The following BMP2K variants were observed in gnomAD, a reference collection of about 807,000 sequenced individuals.
BMP2K encodes the protein BMP2 inducible kinase.
In BMP2K, 74 loss-of-function variants were observed where a neutral mutation model predicts 116.0. That is an observed-to-expected ratio of 0.64 (90% CI 0.53 to 0.77). The LOEUF (loss-of-function observed/expected upper bound fraction) is 0.77, where lower values mean the gene tolerates loss of function less well. BMP2K is among the 30% of genes least tolerant of loss of function. The probability of loss-of-function intolerance (pLI) is 0.00; values close to 1 mark genes in which losing one functional copy is unlikely to be tolerated. For missense variants in BMP2K, 1,365 were observed against 1,403.6 expected (o/e 0.97, Z 0.44); for synonymous variants, 486 against 502.5 (o/e 0.97, Z 0.44).
chr4:78,829,402 G>GTTTTTTTTTTTTTTTTT, intron 2 of BMP2K, among the ~76,000 whole-genome samples: 1 of 133,858 alleles, frequency 7.5e-6, no homozygotes, highest in South Asian at 2.4e-4. Context: ...ATAGTTTTTT[G>GTTTTTTTTTTTTTTTTT]TTTTTTTTTT....
chr4:78,801,734 A>G (rs1186501548), intron 1 of BMP2K, among the ~76,000 whole-genome samples: 1 of 152,204 alleles, frequency 6.6e-6, no homozygotes, highest in Admixed American at 6.5e-5. Flanking sequence ...GACTAAAGTT[A>G]TAACTCTGTG....
intron 3 of BMP2K, among the ~76,000 whole-genome samples, chr4:78,836,814 A>C (rs1222976199): frequency 2.6e-5 from 4 of 152,182 alleles, no homozygotes; most frequent in Non-Finnish European, 4.4e-5. Flanking sequence ...ACATCATTCC[A>C]CTTTTTTCTT....
chr4:78,898,325 TTGTC>T (rs941687088), intron 15 of BMP2K, among the ~76,000 whole-genome samples: 1 of 152,024 alleles, frequency 6.6e-6, no homozygotes, highest in Non-Finnish European at 1.5e-5. Context: ...CATTTACAGA[TTGTC>T]AGTCCACTGC....
At chr4:78,876,530 G>A (rs1732641428) in intron 13 of BMP2K, among the ~76,000 whole-genome samples, 1 of 152,176 alleles carries the variant, frequency 6.6e-6, no homozygotes, top group Non-Finnish European at 1.5e-5. Flanking sequence ...TGCTGAAGGG[G>A]CTTGGACTAA....
At chr4:78,848,836 G>A (rs2110030565) in intron 6 of BMP2K, among the ~76,000 whole-genome samples, 1 of 151,368 alleles carries the variant, frequency 6.6e-6, no homozygotes, top group Non-Finnish European at 1.5e-5. Flanking sequence ...TTAGAGAACA[G>A]TGTATTTATA....
At chr4:78,893,519 G>A (rs1023431310) in intron 15 of BMP2K, among the ~76,000 whole-genome samples, 2 of 152,200 alleles carry the variant, frequency 1.3e-5, no homozygotes, top group Admixed American at 6.5e-5. Flanking sequence ...ATTCATGAGA[G>A]AATTCACTAT....
Position 78,793,182 on chromosome 4 carries a change from C to A in BMP2K, c.178+16461C>A, listed in dbSNP as rs572718619. 9.5e-4 allele frequency among the ~76,000 whole-genome samples: 144 copies of A among 152,058 alleles called. 2 individuals are homozygous for A. The highest frequency in any genetic ancestry group is 1.4e-3 in the Non-Finnish European group (97 of 67,962). On this transcript the variant is annotated intron_variant, in intron 1 of 15. Transcript: ENST00000502613. ...ATCCCAGCACTTTGGGAGGTCGAGG[C>A]GGGCGGATCACGAGGTCAGGAGATC...
chr4:78,817,250 T>C (rs986719352), intron 1 of BMP2K, among the ~76,000 whole-genome samples: 1 of 152,338 alleles, frequency 6.6e-6, no homozygotes, highest in African/African-American at 2.4e-5. Flanking sequence ...ATTCTGACAC[T>C]TAACTGTTCA....
chr4:78,835,738 T>C (rs891410429), intron 3 of BMP2K, among the ~76,000 whole-genome samples: 3 of 152,102 alleles, frequency 2.0e-5, no homozygotes, highest in African/African-American at 7.2e-5. Context: ...TTGAGATGTT[T>C]CTTATATTTA....
intron 10 of BMP2K, 39 bp from the exon 11 acceptor site, chr4:78,870,744 C>A (rs749697430): frequency 5.1e-6 from 8 of 1,562,074 alleles, no homozygotes; most frequent in Non-Finnish European, 6.9e-6. Flanking sequence ...TAATTGAAAT[C>A]ATTAGTATGT....
intron 1 of BMP2K, among the ~76,000 whole-genome samples, chr4:78,783,375 T>C (rs1727596875): frequency 6.6e-6 from 1 of 152,252 alleles, no homozygotes; most frequent in South Asian, 2.1e-4. Context: ...TAATTTTGAT[T>C]GTCCGTTAAT....
chr4:78,838,576 G>A (rs1234168580), intron 3 of BMP2K, among the ~76,000 whole-genome samples: 1 of 152,154 alleles, frequency 6.6e-6, no homozygotes, highest in East Asian at 1.9e-4. Context: ...GAAGGGCAGA[G>A]AATAGAGGAC....
chr4:78,905,827 T>C (rs1388846701), intron 15 of BMP2K, among the ~76,000 whole-genome samples: 1 of 151,940 alleles, frequency 6.6e-6, no homozygotes, highest in Non-Finnish European at 1.5e-5. Flanking sequence ...TTTTTTTAAA[T>C]TATAGGAATA....
At chr4:78,890,452 G>A (rs1351488847) in intron 15 of BMP2K, among the ~76,000 whole-genome samples, 1 of 151,704 alleles carries the variant, frequency 6.6e-6, no homozygotes. Flanking sequence ...CATCCAGCAT[G>A]TTTTTGACAC....
intron 1 of BMP2K, among the ~76,000 whole-genome samples, chr4:78,805,594 ATATTT>A (rs1178500331): frequency 2.6e-5 from 4 of 152,150 alleles, no homozygotes; most frequent in African/African-American, 7.2e-5. Flanking sequence ...TTATTACTAA[ATATTT>A]TATTATTTCT....
At chr4:78,807,324 T>C (rs1041158651) in intron 1 of BMP2K, among the ~76,000 whole-genome samples, 2 of 152,210 alleles carry the variant, frequency 1.3e-5, no homozygotes, top group African/African-American at 2.4e-5. Flanking sequence ...CTTTTTTTAA[T>C]GTATGCTGGA....
intron 1 of BMP2K, among the ~76,000 whole-genome samples, chr4:78,795,385 C>T (rs185803576): frequency 1.3e-5 from 2 of 152,204 alleles, no homozygotes; most frequent in East Asian, 3.9e-4. Flanking sequence ...GTGAAGGGAA[C>T]ATTGAAGGCG....
chr4:78,850,200 A>G (rs1160936991), intron 6 of BMP2K, among the ~76,000 whole-genome samples: 1 of 151,776 alleles, frequency 6.6e-6, no homozygotes, highest in African/African-American at 2.4e-5. Flanking sequence ...CTTAGCTAGA[A>G]ATTTCCTGTG....
intron 10 of BMP2K, 60 bp from the exon 11 acceptor site, chr4:78,870,723 A>G: frequency 6.5e-7 from 1 of 1,541,692 alleles, no homozygotes; most frequent in Non-Finnish European, 8.7e-7. Flanking sequence ...GCATGTTGAA[A>G]TCCAGCTTTT....
Sources: gnomAD v4.1 joint callset for allele counts (sites outside exome capture counted in the v4.1 genomes callset) on GRCh38, gnomAD v4.1.1 for gene constraint, MANE v1.5 for transcripts, NCBI Gene and HGNC (gene_info 2026-07-23, HGNC 2026-07-21) for gene names.